KLHL2: variants seen among roughly 807,000 people sequenced by gnomAD.
KLHL2 encodes kelch like family member 2, also known as kelch-like protein 2.
KLHL2 carries 15 observed loss-of-function variants against 75.8 expected under a neutral mutation model. The observed-to-expected ratio is 0.20, with a 90% CI of 0.13 to 0.30. The LOEUF (loss-of-function observed/expected upper bound fraction) is 0.30, where lower values mean the gene tolerates loss of function less well. KLHL2 is among the 10% of genes least tolerant of loss of function. The probability of loss-of-function intolerance (pLI) is 1.00; values close to 1 mark genes in which losing one functional copy is unlikely to be tolerated. For missense variants in KLHL2, 381 were observed against 741.0 expected (o/e 0.51, Z 5.64); for synonymous variants, 214 against 251.9 (o/e 0.85, Z 1.42).
chr4:165,307,269 C>T (rs1745806995), intron 9 of KLHL2, among the ~76,000 whole-genome samples: 2 of 152,186 alleles, frequency 1.3e-5, no homozygotes, highest in Admixed American at 1.3e-4. Context: ...GACCTCGCCA[C>T]TGCACTCCAG....
intron 2 of KLHL2, among the ~76,000 whole-genome samples, chr4:165,223,503 A>G (rs1317047893): frequency 6.6e-6 from 1 of 152,202 alleles, no homozygotes; most frequent in Non-Finnish European, 1.5e-5. Flanking sequence ...CAGGGAGGGA[A>G]TAAACGTCAT....
chr4:165,227,924 G>A (rs1022996227), intron 2 of KLHL2, among the ~76,000 whole-genome samples: 2 of 150,332 alleles, frequency 1.3e-5, no homozygotes, highest in Non-Finnish European at 3.0e-5. Flanking sequence ...TTGAAACAGA[G>A]TCTCACTCTG....
At position 165,286,379 on chromosome 4, in the gene KLHL2, A is replaced by G. The variant is rs117908100; in HGVS notation, c.545-7980A>G. ...GGGGGGAGAGGTTGGATCTGGGAGC[A>G]ACAATATTAGGGTAATAAAGATAAC... On this transcript the variant is annotated intron_variant, in intron 5 of 14. Coordinates refer to ENST00000226725, the MANE Select transcript of KLHL2 (RefSeq NM_007246.4). 5.9e-4 allele frequency among the ~76,000 whole-genome samples: 90 copies of G among 152,300 alleles called. 1 individual carries two copies. In the East Asian group the frequency reaches 0.016, roughly 28 times the overall value.
intron 6 of KLHL2, 71 bp downstream of exon 6, chr4:165,294,539 T>A: frequency 1.3e-6 from 1 of 794,616 alleles, no homozygotes; most frequent in Non-Finnish European, 2.0e-6. Context: ...CACTTTTTTT[T>A]ATAGCTTTGT....
intron 5 of KLHL2, among the ~76,000 whole-genome samples, chr4:165,289,886 G>A (rs1388177474): frequency 2.6e-5 from 4 of 152,138 alleles, no homozygotes; most frequent in East Asian, 1.9e-4. Context: ...AGCATAAGGC[G>A]GCCAGCAATC....
At chr4:165,257,586 G>A (rs951129601) in intron 4 of KLHL2, among the ~76,000 whole-genome samples, 1 of 152,168 alleles carries the variant, frequency 6.6e-6, no homozygotes, top group Non-Finnish European at 1.5e-5. Context: ...GCAGTGGTGG[G>A]TTGGGCAAGA....
At chr4:165,266,979 G>A (rs1742293889) in intron 5 of KLHL2, among the ~76,000 whole-genome samples, 1 of 151,934 alleles carries the variant, frequency 6.6e-6, no homozygotes. Context: ...ATTTGTTTGT[G>A]TCCTCTTTTA....
intron 4 of KLHL2, among the ~76,000 whole-genome samples, chr4:165,245,613 G>A (rs1001485942): frequency 3.9e-5 from 6 of 152,110 alleles, no homozygotes; most frequent in Non-Finnish European, 7.4e-5. Context: ...GAGGGTACTT[G>A]GGGGGCACAT....
At chr4:165,271,151 A>G (rs1742660366) in intron 5 of KLHL2, among the ~76,000 whole-genome samples, 1 of 137,090 alleles carries the variant, frequency 7.3e-6, no homozygotes, top group South Asian at 2.2e-4. Flanking sequence ...AAAAAATTCC[A>G]TATGCATTTT....
chr4:165,241,190 T>C (rs1440652997), intron 4 of KLHL2, among the ~76,000 whole-genome samples: 1 of 152,232 alleles, frequency 6.6e-6, no homozygotes, highest in Non-Finnish European at 1.5e-5. Flanking sequence ...TTCTTTTATT[T>C]TCAATTGAAA....
intron 6 of KLHL2, among the ~76,000 whole-genome samples, chr4:165,295,625 A>T (rs1455448895): frequency 1.3e-5 from 2 of 152,174 alleles, no homozygotes; most frequent in Non-Finnish European, 2.9e-5. Context: ...AGGTATGGGG[A>T]TGGTAGTTCA....
intron 4 of KLHL2, among the ~76,000 whole-genome samples, chr4:165,257,384 A>G (rs1741260940): frequency 6.6e-6 from 1 of 152,208 alleles, no homozygotes; most frequent in Non-Finnish European, 1.5e-5. Flanking sequence ...CCTTTGATGC[A>G]TTCTCCACTA....
At chr4:165,219,478 G>A (rs1208517516) in intron 1 of KLHL2, among the ~76,000 whole-genome samples, 1 of 152,162 alleles carries the variant, frequency 6.6e-6, no homozygotes, top group Non-Finnish European at 1.5e-5. Context: ...AAATATATGG[G>A]GTTAATATAT....
intron 4 of KLHL2, among the ~76,000 whole-genome samples, chr4:165,249,111 CAG>C (rs1579038717): frequency 6.6e-6 from 1 of 152,154 alleles, no homozygotes; most frequent in East Asian, 1.9e-4. Context: ...ATTCCTGGAA[CAG>C]GGCACAGAGA....
chr4:165,223,350 C>T (rs371362370), intron 2 of KLHL2, among the ~76,000 whole-genome samples: 35 of 152,296 alleles, frequency 2.3e-4, no homozygotes, highest in African/African-American at 7.0e-4. Context: ...GTGTGCAAAT[C>T]GTGGGTGCCC....
chr4:165,290,174 T>A (rs1744401739), intron 5 of KLHL2, among the ~76,000 whole-genome samples: 2 of 151,926 alleles, frequency 1.3e-5, no homozygotes, highest in African/African-American at 4.8e-5. Flanking sequence ...TGAGACAGGG[T>A]CTCACTCTGT....
intron 6 of KLHL2, among the ~76,000 whole-genome samples, chr4:165,296,357 G>A (rs981216513): frequency 2.6e-5 from 4 of 152,186 alleles, no homozygotes; most frequent in Non-Finnish European, 5.9e-5. Context: ...GTGGTTTCAA[G>A]TAGCCAGACT....
chr4:165,295,754 A>G (rs1744862434), intron 6 of KLHL2, among the ~76,000 whole-genome samples: 2 of 152,364 alleles, frequency 1.3e-5, no homozygotes. Flanking sequence ...ATACAAATGT[A>G]AAGAGATATG....
At chr4:165,219,337 C>G (rs1737801243) in intron 1 of KLHL2, among the ~76,000 whole-genome samples, 1 of 152,226 alleles carries the variant, frequency 6.6e-6, no homozygotes, top group African/African-American at 2.4e-5. Flanking sequence ...GTAATTTGCT[C>G]AGAGAGTTGT....
Sources: gnomAD v4.1 joint callset for allele counts (sites outside exome capture counted in the v4.1 genomes callset) on GRCh38, gnomAD v4.1.1 for gene constraint, MANE v1.5 for transcripts, NCBI Gene and HGNC (gene_info 2026-07-23, HGNC 2026-07-21) for gene names.